Variants in MARCHF1 observed in about 807,000 individuals in gnomAD.
MARCHF1 encodes the protein membrane associated ring-CH-type finger 1, also known as E3 ubiquitin-protein ligase MARCHF1.
In MARCHF1, 40 loss-of-function variants were observed where a neutral mutation model predicts 54.2. The ratio of observed to expected loss-of-function variants is 0.74; its 90% CI spans 0.57 to 0.96. MARCHF1 has a LOEUF of 0.96. MARCHF1 is among the 40% of genes least tolerant of loss of function. The probability of loss-of-function intolerance (pLI) is 0.00; values close to 1 mark genes in which losing one functional copy is unlikely to be tolerated. For synonymous variants in MARCHF1, 236 were observed against 236.3 expected (o/e 1.00, Z 0.01); for missense variants, 586 against 656.5 (o/e 0.89, Z 1.17).
intron 1 of MARCHF1, among the ~76,000 whole-genome samples, chr4:164,204,094 A>G (rs1731538224): frequency 6.6e-6 from 1 of 152,086 alleles, no homozygotes; most frequent in Admixed American, 6.6e-5. Context: ...TTTTTTCCCT[A>G]CTATATATGA....
At chr4:164,358,086 C>G (rs1267981873) in intron 1 of MARCHF1, among the ~76,000 whole-genome samples, 1 of 152,048 alleles carries the variant, frequency 6.6e-6, no homozygotes, top group Non-Finnish European at 1.5e-5. Context: ...TGAGAAAATT[C>G]CCTCCACAAA....
At chr4:163,670,776 C>G (rs896097940) in intron 5 of MARCHF1, among the ~76,000 whole-genome samples, 3 of 152,072 alleles carry the variant, frequency 2.0e-5, no homozygotes, top group Non-Finnish European at 4.4e-5. Context: ...TTTTAGGAGC[C>G]GGGAATACAA....
At chr4:164,339,326 G>A (rs1234563054) in intron 1 of MARCHF1, among the ~76,000 whole-genome samples, 1 of 152,000 alleles carries the variant, frequency 6.6e-6, no homozygotes, top group African/African-American at 2.4e-5. Flanking sequence ...TATATGTTGG[G>A]CCACAAAACA....
At chr4:163,646,297 C>T (rs1231190800) in intron 5 of MARCHF1, among the ~76,000 whole-genome samples, 1 of 151,480 alleles carries the variant, frequency 6.6e-6, no homozygotes, top group East Asian at 1.9e-4. Context: ...GCAAAGCTCT[C>T]CTTCAGAAAT....
At chr4:163,563,386 G>A (rs1360177827) in intron 8 of MARCHF1, among the ~76,000 whole-genome samples, 7 of 152,164 alleles carry the variant, frequency 4.6e-5, no homozygotes, top group African/African-American at 9.7e-5. Context: ...TATCCTCTGC[G>A]GGTTTAAATG....
At chr4:164,291,434 G>A (rs1304031203) in intron 1 of MARCHF1, among the ~76,000 whole-genome samples, 1 of 151,894 alleles carries the variant, frequency 6.6e-6, no homozygotes, top group African/African-American at 2.4e-5. Context: ...AGTGATGTCT[G>A]GACTAACATT....
In MARCHF1 at chr4:164,164,500, A is replaced by T. The variant is rs1277803890; in HGVS notation, c.-322-52838T>A. On this transcript the variant is annotated intron_variant, in intron 1 of 9. Transcript: ENST00000514618. Reference sequence around the variant, plus strand: ...AATAAACATTCAGACCCAGCAAGTAAAAGAAAACCCTGAAAACTTCTAGCC... The same window carrying T: ...AATAAACATTCAGACCCAGCAAGTATAAGAAAACCCTGAAAACTTCTAGCC... Among the ~76,000 whole-genome samples the T allele has an allele frequency of 4.6e-5, 7 of 152,060 alleles. No individual in the cohort carries two copies. In the East Asian group the frequency reaches 1.3e-3, roughly 29 times the overall value.
chr4:164,251,599 G>A (rs1456473161), intron 1 of MARCHF1, among the ~76,000 whole-genome samples: 1 of 152,138 alleles, frequency 6.6e-6, no homozygotes, highest in African/African-American at 2.4e-5. Flanking sequence ...TAGGTACTAG[G>A]ATGATGATAA....
At chr4:163,668,985 T>C (rs1743636572) in intron 5 of MARCHF1, among the ~76,000 whole-genome samples, 1 of 152,188 alleles carries the variant, frequency 6.6e-6, no homozygotes, top group Admixed American at 6.5e-5. Flanking sequence ...TGAAAGTTCA[T>C]GGAGCTTCTG....
intron 3 of MARCHF1, among the ~76,000 whole-genome samples, chr4:163,915,295 T>C (rs1453783940): frequency 6.6e-6 from 1 of 152,108 alleles, no homozygotes; most frequent in Admixed American, 6.6e-5. Flanking sequence ...TTACCTTGCC[T>C]CTGTGATATC....
At chr4:164,080,137 A>C (rs2111110561) in intron 2 of MARCHF1, among the ~76,000 whole-genome samples, 1 of 152,308 alleles carries the variant, frequency 6.6e-6, no homozygotes, top group Admixed American at 6.5e-5. Flanking sequence ...GGCTGAAAAG[A>C]CCATGTGAAT....
intron 1 of MARCHF1, among the ~76,000 whole-genome samples, chr4:164,143,961 TA>T (rs1428423225): frequency 6.6e-6 from 1 of 151,892 alleles, no homozygotes; most frequent in African/African-American, 2.4e-5. Context: ...AGGCTCAAAA[TA>T]AAAGGATGGA....
chr4:164,192,524 C>A (rs1731149236), intron 1 of MARCHF1, among the ~76,000 whole-genome samples: 1 of 152,130 alleles, frequency 6.6e-6, no homozygotes, highest in South Asian at 2.1e-4. Flanking sequence ...CAAGTATTAA[C>A]TGAGACTTTT....
At position 163,585,754 on chromosome 4, in the gene MARCHF1, G is replaced by A. The variant is rs767336050; in HGVS notation, c.1186C>T (p.Arg396Trp). 11 of 1,596,324 alleles carry A rather than the reference G, an allele frequency of 6.9e-6. No individual in the cohort carries two copies. Among genetic ancestry groups the A allele is most frequent in the South Asian group, 2.3e-5 (2 of 88,570 alleles). Reference protein sequence around the residue: ...FIMETKLKPLRKWEKLQMTTS... With the variant: ...FIMETKLKPLWKWEKLQMTTS... Reference sequence around the variant, plus strand: ...AATTCCTATGGATACTGTACCTTCCGGAGGGGTTTGAGCTTGGTCTCCATT... The same window carrying A: ...AATTCCTATGGATACTGTACCTTCCAGAGGGGTTTGAGCTTGGTCTCCATT... Residue 396 changes from arginine (R) to tryptophan (W), a missense_variant, in exon 8 of 10, where the codon CGG becomes TGG. By Grantham distance (101) the Arg-to-Trp change is moderately radical. Around this residue, in one of 3 missense-constraint regions of MARCHF1, gnomAD observed 93 missense variants for 168.2 expected, o/e 0.55. Coordinates refer to ENST00000514618, the MANE Select transcript of MARCHF1 (RefSeq NM_001394959.1).
intron 2 of MARCHF1, among the ~76,000 whole-genome samples, chr4:164,107,564 T>A (rs1007226629): frequency 6.6e-6 from 1 of 152,150 alleles, no homozygotes; most frequent in Non-Finnish European, 1.5e-5. Flanking sequence ...GGTTTCACCA[T>A]GTTGCCCAGT....
At chr4:164,224,057 A>G (rs970071558) in intron 1 of MARCHF1, among the ~76,000 whole-genome samples, 2 of 150,262 alleles carry the variant, frequency 1.3e-5, no homozygotes. Flanking sequence ...TTCCATATAC[A>G]CTATCCTCTA....
At chr4:163,952,133 A>G (rs1752145914) in intron 3 of MARCHF1, among the ~76,000 whole-genome samples, 1 of 152,200 alleles carries the variant, frequency 6.6e-6, no homozygotes, top group African/African-American at 2.4e-5. Flanking sequence ...TGAGAAACAT[A>G]TATTTGAGTT....
In MARCHF1 at chr4:163,570,572, C is replaced by T. The variant is rs1037786689; in HGVS notation, c.1191+15177G>A. 3.3e-5 allele frequency among the ~76,000 whole-genome samples: 5 copies of T among 151,956 alleles called. No individual in the cohort carries two copies. The East Asian group carries it at 5.8e-4, about 18-fold the overall frequency. On this transcript the variant is annotated intron_variant, in intron 8 of 9. Transcript: ENST00000514618. ...CTAGATTCTTTCCACTGTATTTTAC[C>T]GTATCCCATTAGGAAAATATTTGCA...
At chr4:163,981,899 G>C (rs1752770545) in intron 3 of MARCHF1, among the ~76,000 whole-genome samples, 1 of 151,702 alleles carries the variant, frequency 6.6e-6, no homozygotes, top group Non-Finnish European at 1.5e-5. Context: ...CAAAAATTTT[G>C]AAGTTCTACA....
Sources: allele counts gnomAD v4.1 joint callset (sites outside exome capture counted in the v4.1 genomes callset), GRCh38; gene constraint gnomAD v4.1.1; regional missense constraint gnomAD v4.1.1; transcripts MANE v1.5; gene names NCBI Gene and HGNC (gene_info 2026-07-23, HGNC 2026-07-21).